NLGN1: variants seen among roughly 807,000 people sequenced by gnomAD.
NLGN1 encodes the protein neuroligin 1.
NLGN1 carries 12 observed loss-of-function variants against 65.5 expected under a neutral mutation model. The observed-to-expected ratio is 0.18, with a 90% CI of 0.12 to 0.30. NLGN1 has a LOEUF of 0.30. Among genes scored for constraint, NLGN1 ranks in the 10% least tolerant of loss-of-function variants. NLGN1 has a pLI of 1.00. For missense variants in NLGN1, 750 were observed against 1,007.1 expected (o/e 0.74, Z 3.46); for synonymous variants, 350 against 359.5 (o/e 0.97, Z 0.30).
chr3:173,898,443 A>G (rs1477426461), intron 4 of NLGN1, among the ~76,000 whole-genome samples: 1 of 152,208 alleles, frequency 6.6e-6, no homozygotes, highest in Non-Finnish European at 1.5e-5. Flanking sequence ...TGTGGTTGCT[A>G]GAAATAGACC....
intron 2 of NLGN1, among the ~76,000 whole-genome samples, chr3:173,504,699 T>C (rs989650066): frequency 2.0e-5 from 3 of 152,022 alleles, no homozygotes; most frequent in East Asian, 1.9e-4. Flanking sequence ...TCCACCAAAA[T>C]AGACTTTTTC....
At chr3:173,675,227 C>T (rs924132536) in intron 3 of NLGN1, among the ~76,000 whole-genome samples, 3 of 152,008 alleles carry the variant, frequency 2.0e-5, no homozygotes, top group Non-Finnish European at 4.4e-5. Context: ...TGTGGATCTT[C>T]CTTAATGAAA....
intron 4 of NLGN1, among the ~76,000 whole-genome samples, chr3:174,167,450 T>C (rs1727705346): frequency 6.6e-6 from 1 of 152,132 alleles, no homozygotes; most frequent in Non-Finnish European, 1.5e-5. Flanking sequence ...GAAATTAGTT[T>C]GGTGGGATAT....
At chr3:173,441,231 C>T (rs915745156) in intron 2 of NLGN1, among the ~76,000 whole-genome samples, 1 of 152,150 alleles carries the variant, frequency 6.6e-6, no homozygotes, top group Admixed American at 6.6e-5. Flanking sequence ...ACTACTAAAA[C>T]TTTCTTCATA....
intron 3 of NLGN1, among the ~76,000 whole-genome samples, chr3:173,625,873 A>G (rs1754746938): frequency 6.6e-6 from 1 of 152,090 alleles, no homozygotes; most frequent in South Asian, 2.1e-4. Flanking sequence ...TAAAATTGAA[A>G]TAAACTTTCT....
At chr3:173,446,304 A>G (rs1720301233) in intron 2 of NLGN1, among the ~76,000 whole-genome samples, 2 of 148,904 alleles carry the variant, frequency 1.3e-5, no homozygotes, top group Admixed American at 1.3e-4. Flanking sequence ...TATGAGTGAG[A>G]ACATGCGGTG....
At chr3:174,003,171 A>C (rs1030278375) in intron 4 of NLGN1, among the ~76,000 whole-genome samples, 1 of 152,174 alleles carries the variant, frequency 6.6e-6, no homozygotes, top group Non-Finnish European at 1.5e-5. Flanking sequence ...TAAAAGGAAT[A>C]ATAGTGACAT....
intron 4 of NLGN1, among the ~76,000 whole-genome samples, chr3:173,953,293 A>G (rs917455218): frequency 6.6e-6 from 1 of 152,184 alleles, no homozygotes; most frequent in Non-Finnish European, 1.5e-5. Context: ...TCTTGTTATC[A>G]TTACATAAGT....
chr3:174,155,179 A>AT (rs904076077), intron 4 of NLGN1, among the ~76,000 whole-genome samples: 5 of 150,278 alleles, frequency 3.3e-5, no homozygotes, highest in South Asian at 2.1e-4. Context: ...CATAACTTGC[A>AT]TTTTTTTTAT....
chr3:174,061,167 GCA>G (rs1258063151), intron 4 of NLGN1, among the ~76,000 whole-genome samples: 1 of 152,054 alleles, frequency 6.6e-6, no homozygotes, highest in Non-Finnish European at 1.5e-5. Flanking sequence ...AAGTTCTGCT[GCA>G]CACAGATTGT....
At chr3:173,510,328 T>C (rs551940482) in intron 2 of NLGN1, among the ~76,000 whole-genome samples, 9 of 152,318 alleles carry the variant, frequency 5.9e-5, no homozygotes, top group Admixed American at 5.2e-4. Context: ...TCCATTAGGC[T>C]CAGCAGGTGA....
At chr3:173,611,722 G>A (rs963602873) in intron 3 of NLGN1, among the ~76,000 whole-genome samples, 1 of 152,048 alleles carries the variant, frequency 6.6e-6, no homozygotes, top group South Asian at 2.1e-4. Flanking sequence ...TTGTTCCATT[G>A]TTTACTGACA....
intron 4 of NLGN1, among the ~76,000 whole-genome samples, chr3:174,109,645 T>C (rs1329441116): frequency 6.6e-6 from 1 of 152,084 alleles, no homozygotes; most frequent in Non-Finnish European, 1.5e-5. Flanking sequence ...CTTTTATCCT[T>C]CTTTATTGAG....
intron 3 of NLGN1, among the ~76,000 whole-genome samples, chr3:173,726,051 C>T (rs1286622851): frequency 1.3e-5 from 2 of 152,056 alleles, no homozygotes; most frequent in Non-Finnish European, 2.9e-5. Flanking sequence ...GACAACCCAC[C>T]ACCTTTGTCA....
chr3:173,819,795 C>T (rs925790563), intron 4 of NLGN1, among the ~76,000 whole-genome samples: 1 of 152,150 alleles, frequency 6.6e-6, no homozygotes, highest in East Asian at 1.9e-4. Context: ...CAACAGACTG[C>T]TCTGCATACG....
chr3:173,455,951 A>G (rs564320731), intron 2 of NLGN1, among the ~76,000 whole-genome samples: 4 of 152,234 alleles, frequency 2.6e-5, no homozygotes, highest in African/African-American at 9.6e-5. Flanking sequence ...ATGATGGCCC[A>G]GCTTATACTA....
chr3:173,944,121 A>G (rs1447508503), intron 4 of NLGN1, among the ~76,000 whole-genome samples: 2 of 92,494 alleles, frequency 2.2e-5, no homozygotes, highest in African/African-American at 9.5e-5. Context: ...AGTTAATATT[A>G]TGGGTGTGTG....
At chr3:173,670,442 G>T (rs1405073347) in intron 3 of NLGN1, among the ~76,000 whole-genome samples, 1 of 152,056 alleles carries the variant, frequency 6.6e-6, no homozygotes, top group Non-Finnish European at 1.5e-5. Flanking sequence ...AACATTTTTG[G>T]ACTCAAAAAT....
chr3:173,911,054 T>C (rs1356545492), intron 4 of NLGN1, among the ~76,000 whole-genome samples: 1 of 152,190 alleles, frequency 6.6e-6, no homozygotes, highest in Admixed American at 6.5e-5. Flanking sequence ...TAAATGTAGG[T>C]ATAAGAGACT....
Sources: gnomAD v4.1 joint callset for allele counts (sites outside exome capture counted in the v4.1 genomes callset) on GRCh38, gnomAD v4.1.1 for gene constraint, MANE v1.5 for transcripts, NCBI Gene and HGNC (gene_info 2026-07-23, HGNC 2026-07-21) for gene names.